MYO5B: variants seen among roughly 807,000 people sequenced by gnomAD.
MYO5B encodes the protein unconventional myosin-Vb.
A neutral mutation model predicts 229.3 loss-of-function variants in MYO5B; 143 were observed. That is an observed-to-expected ratio of 0.62 (90% CI 0.54 to 0.72). The LOEUF (loss-of-function observed/expected upper bound fraction) is 0.72. MYO5B is among the 30% of genes least tolerant of loss of function. MYO5B has a pLI of 0.00. For synonymous variants in MYO5B, 918 were observed against 885.2 expected (o/e 1.04, Z -0.66); for missense variants, 2,321 against 2,331.0 (o/e 1.00, Z 0.09).
chr18:50,042,982 C>A (rs892787235), intron 2 of MYO5B, among the ~76,000 whole-genome samples: 3 of 152,176 alleles, frequency 2.0e-5, no homozygotes, highest in East Asian at 3.9e-4. Context: ...CTCTTCCCCC[C>A]AAGGATGTAA....
chr18:50,143,767 G>C (rs2032455091), intron 1 of MYO5B, among the ~76,000 whole-genome samples: 1 of 152,194 alleles, frequency 6.6e-6, no homozygotes, highest in Non-Finnish European at 1.5e-5. Flanking sequence ...GGCAGCAATA[G>C]AAGGTCAGAA....
chr18:49,830,086 C>G (rs886917622), intron 39 of MYO5B, among the ~76,000 whole-genome samples: 2 of 151,004 alleles, frequency 1.3e-5, no homozygotes, highest in Admixed American at 1.3e-4. Context: ...AAGAGGCAGC[C>G]AATTTAAAAT....
intron 1 of MYO5B, among the ~76,000 whole-genome samples, chr18:50,113,571 C>T (rs535672834): frequency 2.7e-4 from 41 of 152,322 alleles, no homozygotes; most frequent in African/African-American, 7.0e-4. Flanking sequence ...AGTGTGGCCT[C>T]GTAATTATCA....
chr18:50,187,568 G>A (rs2033165790), intron 1 of MYO5B, among the ~76,000 whole-genome samples: 1 of 152,172 alleles, frequency 6.6e-6, no homozygotes, highest in South Asian at 2.1e-4. Flanking sequence ...CCAGCCTGGA[G>A]TGCAGTGGCA....
At chr18:49,940,162 T>C (rs570060288) in intron 14 of MYO5B, among the ~76,000 whole-genome samples, 1 of 152,312 alleles carries the variant, frequency 6.6e-6, no homozygotes, top group South Asian at 2.1e-4. Context: ...ATTCACAAAA[T>C]AATTCACTAT....
intron 1 of MYO5B, among the ~76,000 whole-genome samples, chr18:50,175,050 C>T (rs1188125404): frequency 6.6e-6 from 1 of 152,172 alleles, no homozygotes. Context: ...TTCCAGGACA[C>T]TATGGGGAAG....
At chr18:50,149,337 T>G (rs1329113471) in intron 1 of MYO5B, among the ~76,000 whole-genome samples, 34 of 151,006 alleles carry the variant, frequency 2.3e-4, no homozygotes, top group Admixed American at 9.9e-4. Context: ...AAAACTACTT[T>G]AAAGTTCATA....
intron 22 of MYO5B, among the ~76,000 whole-genome samples, chr18:49,884,760 G>T (rs577055702): frequency 1.2e-4 from 19 of 152,212 alleles, no homozygotes; most frequent in African/African-American, 4.3e-4. Flanking sequence ...ATGACTCATA[G>T]CATGAGTATA....
At chr18:50,078,702 A>G (rs952946924) in intron 1 of MYO5B, among the ~76,000 whole-genome samples, 1 of 152,172 alleles carries the variant, frequency 6.6e-6, no homozygotes, top group Non-Finnish European at 1.5e-5. Context: ...TGAGCATAAG[A>G]CCCACCACAC....
chr18:49,931,189 T>C (rs1787328), intron 16 of MYO5B, among the ~76,000 whole-genome samples: 79,905 of 151,908 alleles, frequency 0.53, 21,745 homozygotes, highest in East Asian at 0.77. Context: ...GCTCAGTGGG[T>C]ACTTGGCACT....
chr18:49,845,194 A>G (rs918480362), intron 33 of MYO5B, among the ~76,000 whole-genome samples: 1 of 152,202 alleles, frequency 6.6e-6, no homozygotes, highest in Non-Finnish European at 1.5e-5. Context: ...TTTGTTCCTA[A>G]TTGCATTTGA....
At chr18:49,949,533 T>C (rs2025410636) in intron 14 of MYO5B, among the ~76,000 whole-genome samples, 1 of 152,186 alleles carries the variant, frequency 6.6e-6, no homozygotes, top group Admixed American at 6.5e-5. Context: ...TAACACCCTG[T>C]TATTTCACTG....
chr18:49,917,985 G>A (rs1379178628), intron 17 of MYO5B, among the ~76,000 whole-genome samples: 1 of 152,170 alleles, frequency 6.6e-6, no homozygotes, highest in Non-Finnish European at 1.5e-5. Flanking sequence ...GCCAATATGG[G>A]ATGGGCCAGG....
chr18:50,192,532 A>G (rs1249859260), intron 1 of MYO5B, among the ~76,000 whole-genome samples: 3 of 152,214 alleles, frequency 2.0e-5, no homozygotes, highest in African/African-American at 7.2e-5. Flanking sequence ...TCTGCTTATT[A>G]TGAGTGTCTT....
chr18:50,064,078 G>A (rs555841892), intron 1 of MYO5B: 5 of 152,316 alleles, frequency 3.3e-5, no homozygotes, highest in Admixed American at 1.3e-4. Context: ...CAAGCAATGC[G>A]GTCATGCTCT....
At chr18:49,844,579 C>T (rs574403245) in intron 33 of MYO5B, among the ~76,000 whole-genome samples, 18 of 152,366 alleles carry the variant, frequency 1.2e-4, no homozygotes, top group Middle Eastern at 6.8e-3. Context: ...CCTGCTCCAA[C>T]GCATCCTTCT....
chr18:49,826,787 T>C (rs1002780761), intron 39 of MYO5B, among the ~76,000 whole-genome samples, 164 bp from the exon 40 acceptor site: 1 of 152,176 alleles, frequency 6.6e-6, no homozygotes, highest in African/African-American at 2.4e-5. Context: ...TTGAGGTATT[T>C]AGTGGGGAGA....
At chr18:49,999,970 G>T (rs993781266) in intron 5 of MYO5B, among the ~76,000 whole-genome samples, 13 of 152,220 alleles carry the variant, frequency 8.5e-5, no homozygotes, top group African/African-American at 1.9e-4. Flanking sequence ...CCCAAATCTT[G>T]TAAGAACAAA....
intron 1 of MYO5B, among the ~76,000 whole-genome samples, chr18:50,173,091 C>T (rs566956817): frequency 9.4e-4 from 143 of 152,186 alleles, no homozygotes; most frequent in Non-Finnish European, 1.8e-3. Flanking sequence ...CGGCGAACCC[C>T]GTCGCTACTA....
Sources: gnomAD v4.1 joint callset for allele counts (sites outside exome capture counted in the v4.1 genomes callset) on GRCh38, gnomAD v4.1.1 for gene constraint, MANE v1.5 for transcripts, NCBI Gene and HGNC (gene_info 2026-07-23, HGNC 2026-07-21) for gene names.